The following ARHGAP35 variants were observed in gnomAD, a reference collection of about 807,000 sequenced individuals.
The protein encoded by ARHGAP35 is Rho GTPase activating protein 35.
A neutral mutation model predicts 111.1 loss-of-function variants in ARHGAP35; 15 were observed. The observed-to-expected ratio is 0.13, with a 90% CI of 0.09 to 0.21. The LOEUF is 0.21. Ranked by LOEUF, ARHGAP35 falls within the 10% of genes least tolerant of loss-of-function variation. The probability of loss-of-function intolerance (pLI) is 1.00; values close to 1 mark genes in which losing one functional copy is unlikely to be tolerated. For missense variants in ARHGAP35, 1,262 were observed against 1,873.0 expected (o/e 0.67, Z 6.02); for synonymous variants, 643 against 710.3 (o/e 0.91, Z 1.51).
Position 46,936,842 on chromosome 19 carries a change from A to G in ARHGAP35, c.3682-422A>G, listed in dbSNP as rs1166268287. Among the ~76,000 whole-genome samples the G allele has an allele frequency of 2.7e-5, 4 of 150,628 alleles. No homozygotes were observed. In the East Asian group the frequency reaches 7.7e-4, roughly 29 times the overall value. ...AGCGAATCTTTTTAATCCTTCTTGA[A>G]ATCTTTTTTTTTTTTTTTTTTGAGT... is the stretch of plus-strand genomic sequence containing the variant. On this transcript the variant is annotated intron_variant, in intron 2 of 6. Coordinates refer to ENST00000672722, the MANE Select transcript of ARHGAP35 (RefSeq NM_004491.5).
At chr19:46,938,846 T>C (rs981955802) in intron 3 of ARHGAP35, among the ~76,000 whole-genome samples, 3 of 151,424 alleles carry the variant, frequency 2.0e-5, no homozygotes, top group Middle Eastern at 3.4e-3. Context: ...TTAATAGAGA[T>C]AGGGTTTCAC....
At chr19:46,998,651 G>C (rs1021058689) in intron 5 of ARHGAP35, among the ~76,000 whole-genome samples, 2 of 152,238 alleles carry the variant, frequency 1.3e-5, no homozygotes, top group African/African-American at 2.4e-5. Context: ...TGGGCCTGGC[G>C]CGGGTTACAA....
chr19:46,996,610 G>A (rs543532017), intron 5 of ARHGAP35, among the ~76,000 whole-genome samples: 8 of 152,120 alleles, frequency 5.3e-5, no homozygotes, highest in Admixed American at 2.0e-4. Context: ...GCTACCACTC[G>A]ATGCCTAATT....
intron 3 of ARHGAP35, among the ~76,000 whole-genome samples, chr19:46,971,368 T>G (rs926675221): frequency 1.2e-4 from 18 of 151,938 alleles, no homozygotes; most frequent in Non-Finnish European, 2.6e-4. Context: ...CTCACGCCGC[T>G]GTACTCCAGC....
chr19:46,932,543 T>C (rs2056279036), intron 2 of ARHGAP35, among the ~76,000 whole-genome samples: 1 of 152,162 alleles, frequency 6.6e-6, no homozygotes, highest in Non-Finnish European at 1.5e-5. Context: ...GGCATTTCCA[T>C]GAGAAATATG....
intron 3 of ARHGAP35, among the ~76,000 whole-genome samples, chr19:46,956,214 A>C (rs1223664292): frequency 6.6e-6 from 1 of 152,188 alleles, no homozygotes; most frequent in Non-Finnish European, 1.5e-5. Context: ...GCTACTTGGG[A>C]GGCTAAGGTG....
rs1413883296 is a variant in ARHGAP35, at chr19:47,002,872, T to C, written c.*2184T>C. The C allele has an allele frequency of 1.3e-5, 2 of 152,246 alleles. No individual in the cohort carries two copies. Among genetic ancestry groups the C allele is most frequent in the Non-Finnish European group, 2.9e-5 (2 of 68,086 alleles). 9.4% of individuals were successfully genotyped at this position (152,246 alleles called of 1,614,324 possible). On this transcript the variant is annotated 3_prime_UTR_variant, in exon 7 of 7. Transcript: ENST00000672722. ...ATTCCACAGATGTATGTGCGGCCAG[T>C]GACTTCCCCAGGAGTGTGGAGGGGG...
Position 47,003,123 on chromosome 19 carries a change from G to A in ARHGAP35, c.*2435G>A, listed in dbSNP as rs1477647411. ...TGCTGCTCCGGGCTGAGGGACTAGA[G>A]GACATCTCGGTCGTTTGAGGGGCAT... On this transcript the variant is annotated 3_prime_UTR_variant, in exon 7 of 7. Coordinates refer to ENST00000672722, the MANE Select transcript of ARHGAP35 (RefSeq NM_004491.5). 1 of 152,398 alleles carries A rather than the reference G, an allele frequency of 6.6e-6. No homozygotes were observed. Among genetic ancestry groups the A allele is most frequent in the Non-Finnish European group, 1.5e-5 (1 of 68,166 alleles). 9.4% of individuals were successfully genotyped at this position (152,398 alleles called of 1,614,324 possible). A position where few individuals can be genotyped will look rare whatever the true frequency, so the allele number is the denominator to read the frequency against.
chr19:46,896,656 T>C (rs558286497), intron 1 of ARHGAP35, among the ~76,000 whole-genome samples: 1 of 152,166 alleles, frequency 6.6e-6, no homozygotes, highest in African/African-American at 2.4e-5. Context: ...TGTGTGGGCC[T>C]CAGAGGCAGG....
Position 47,000,082 on chromosome 19 carries a change from C to T in ARHGAP35, c.4143-249C>T, listed in dbSNP as rs1209451446. Among the ~76,000 whole-genome samples the T allele has an allele frequency of 6.6e-6, 1 of 152,204 alleles. No individual in the cohort carries two copies. The highest frequency in any genetic ancestry group is 2.4e-5 in the African/African-American group (1 of 41,456). ...TGAGTCCCTGAGGTGGTCCATCCAC[C>T]CCCAGGGGTTTGCGGGGCTCCAGGC... On this transcript the variant is annotated intron_variant, in intron 6 of 6. Coordinates refer to ENST00000672722, the MANE Select transcript of ARHGAP35 (RefSeq NM_004491.5). This position sits in a 1 kb window ranked among gnomAD's most constrained non-coding sequence, Gnocchi z 6.9.
intron 3 of ARHGAP35, among the ~76,000 whole-genome samples, chr19:46,952,323 C>G (rs1193985349): frequency 6.6e-6 from 1 of 152,038 alleles, no homozygotes; most frequent in Admixed American, 6.6e-5. Flanking sequence ...TATGATCCTC[C>G]AAATAAATTG....
rs781265715 is a variant in ARHGAP35, at chr19:46,919,960, A to C, written c.1285A>C (p.Arg429=). 8 of 1,613,858 alleles carry C rather than the reference A, an allele frequency of 5.0e-6. No homozygotes were observed. In the South Asian group the frequency reaches 7.7e-5, roughly 16 times the overall value. ...AGAGAAGCTGAGGAACGAAAGGAAA[A>C]GAGTTGAGATGCGAAGGGCGTTTAA... ...HLEKLRNERK[R]VEMRRAFKEN... The change falls in exon 2 of 7, where the codon AGA becomes CGA. Residue 429 remains arginine, a synonymous_variant. Coordinates refer to ENST00000672722, the MANE Select transcript of ARHGAP35 (RefSeq NM_004491.5). The surrounding 1 kb of genome is among the most constrained non-coding windows in gnomAD (Gnocchi z 6.2).
intron 1 of ARHGAP35, among the ~76,000 whole-genome samples, chr19:46,886,689 G>T (rs1379957479): frequency 9.2e-5 from 14 of 152,158 alleles, no homozygotes; most frequent in Non-Finnish European, 1.9e-4. Context: ...GGTTATAAAT[G>T]TAACAGAAAG....
intron 3 of ARHGAP35, chr19:46,948,656 CCAGA>C (rs1367834419): frequency 2.0e-5 from 3 of 152,294 alleles, no homozygotes; most frequent in African/African-American, 7.2e-5. Flanking sequence ...GTGATGGAAG[CCAGA>C]CACACAAGAC....
At chr19:46,937,854 A>T (rs1441255951) in intron 3 of ARHGAP35, among the ~76,000 whole-genome samples, 1 of 152,220 alleles carries the variant, frequency 6.6e-6, no homozygotes, top group Non-Finnish European at 1.5e-5. Context: ...CATTGTTCGG[A>T]TGCCTGAGAC....
At chr19:46,950,160 C>T (rs534070752) in intron 3 of ARHGAP35, among the ~76,000 whole-genome samples, 169 of 152,326 alleles carry the variant, frequency 1.1e-3, no homozygotes, top group Non-Finnish European at 1.8e-3. Flanking sequence ...ATACCAAATG[C>T]ACATTTTTGT....
chr19:46,949,213 T>C (rs1000917449), intron 3 of ARHGAP35: 3 of 151,874 alleles, frequency 2.0e-5, no homozygotes, highest in African/African-American at 7.3e-5. Flanking sequence ...GTTTACTGTA[T>C]ATAAATTATA....
intron 3 of ARHGAP35, among the ~76,000 whole-genome samples, chr19:46,943,420 G>T (rs2056360903): frequency 6.6e-6 from 1 of 152,080 alleles, no homozygotes; most frequent in South Asian, 2.1e-4. Flanking sequence ...GGCTCCATAG[G>T]GTTGTATTGA....
At chr19:46,895,704 G>A (rs2122159444) in intron 1 of ARHGAP35, among the ~76,000 whole-genome samples, 1 of 152,318 alleles carries the variant, frequency 6.6e-6, no homozygotes, top group South Asian at 2.1e-4. Context: ...TGAGGAGAGA[G>A]CATATTGAAT....
Sources: allele counts gnomAD v4.1 joint callset (sites outside exome capture counted in the v4.1 genomes callset), GRCh38; gene constraint gnomAD v4.1.1; non-coding constraint Gnocchi (gnomAD v3.1); transcripts MANE v1.5; gene names NCBI Gene and HGNC (gene_info 2026-07-23, HGNC 2026-07-21).